FNDC3B: variants seen among roughly 807,000 people sequenced by gnomAD.
The protein encoded by FNDC3B is fibronectin type III domain-containing protein 3B.
Under a neutral mutation model 151.5 loss-of-function variants are expected in FNDC3B, and 12 were observed. The ratio of observed to expected loss-of-function variants is 0.08; its 90% confidence interval spans 0.05 to 0.13. FNDC3B has a LOEUF of 0.13. FNDC3B is among the 10% of genes least tolerant of loss of function. The pLI is 1.00. For synonymous variants in FNDC3B, 528 were observed against 549.0 expected, an observed-to-expected ratio of 0.96 and a Z score of 0.54; for missense variants, 1,214 against 1,505.3, an observed-to-expected ratio of 0.81 and a Z score of 3.20.
intron 4 of FNDC3B, 79 bp downstream of exon 4, chr3:172,227,026 C>G: frequency 9.9e-7 from 1 of 1,013,462 alleles, no homozygotes; most frequent in African/African-American, 1.6e-5. Flanking sequence ...GGCTTCAAAG[C>G]CATATTCCAG....
At chr3:172,279,899 C>CGTTGTT (rs59528273) in intron 6 of FNDC3B, among the ~76,000 whole-genome samples, 1,927 of 151,468 alleles carry the variant, frequency 0.013, 56 homozygotes, top group African/African-American at 0.045. Context: ...AACACATATT[C>CGTTGTT]GTTGTTGTTG....
chr3:172,324,821 C>T (rs1732261130), intron 11 of FNDC3B, among the ~76,000 whole-genome samples: 2 of 152,238 alleles, frequency 1.3e-5, no homozygotes, highest in Non-Finnish European at 2.9e-5. Flanking sequence ...ACCAGTTTCT[C>T]TAATTCAGGT....
At chr3:172,260,989 A>G (rs1728619321) in intron 6 of FNDC3B, among the ~76,000 whole-genome samples, 1 of 152,116 alleles carries the variant, frequency 6.6e-6, no homozygotes, top group Non-Finnish European at 1.5e-5. Flanking sequence ...CAACTTCTCT[A>G]TATTTATTTT....
At chr3:172,086,660 A>G (rs987701827) in intron 1 of FNDC3B, among the ~76,000 whole-genome samples, 1 of 152,260 alleles carries the variant, frequency 6.6e-6, no homozygotes, top group Admixed American at 6.5e-5. Flanking sequence ...GGGATTTCAC[A>G]TAATCTCATT....
intron 3 of FNDC3B, among the ~76,000 whole-genome samples, chr3:172,184,993 C>A: frequency 6.6e-6 from 1 of 152,122 alleles, no homozygotes; most frequent in East Asian, 1.9e-4. Context: ...ATATTCTGAC[C>A]ACTTTGGAAG....
In FNDC3B at chr3:172,320,112, G is replaced by T. The variant is rs908898290; in HGVS notation, c.1255-8840G>T. On this transcript the variant is annotated intron_variant, in intron 11 of 25. Transcript: ENST00000415807. ...AATCTGAAAGAGGCCGGGCTCAGTG[G>T]CTGACACCTGTAACCCCAGTACTTT... Among the ~76,000 whole-genome samples, 17 of 152,228 alleles carry T rather than the reference G, an allele frequency of 1.1e-4. 1 individual carries two copies. Among genetic ancestry groups the T allele is most frequent in the African/African-American group, 2.4e-5 (1 of 41,460 alleles).
intron 6 of FNDC3B, among the ~76,000 whole-genome samples, chr3:172,252,549 C>T (rs1018696176): frequency 2.6e-5 from 4 of 151,322 alleles, no homozygotes; most frequent in Non-Finnish European, 4.4e-5. Flanking sequence ...GAAAAAGGGA[C>T]TGTGTCTGTG....
Position 172,149,806 on chromosome 3 carries a change from G to GTTT in FNDC3B, c.187+16288_187+16290dup, listed in dbSNP as rs10561622. Among the ~76,000 whole-genome samples, 130 of 52,494 alleles carry GTTT rather than the reference G, an allele frequency of 2.5e-3. 15 individuals are homozygous for GTTT. The highest frequency in any genetic ancestry group is 7.4e-3 in the African/African-American group (94 of 12,760). The allele number at this position is 52,494 out of a possible 152,430, so 34.4% of individuals were successfully genotyped here. A position where few individuals can be genotyped will look rare whatever the true frequency, so the allele number is the denominator to read the frequency against. On this transcript the variant is annotated intron_variant, in intron 3 of 25. Transcript: ENST00000415807. ...TGTGTATACCTTTTGTATGTTGGGT[G>GTTT]TTTTTTTTTTTTTTTTTTTTTTTTT...
intron 10 of FNDC3B, 148 bp from the exon 11 acceptor site, chr3:172,310,680 T>C (rs1731428311): frequency 1.4e-6 from 1 of 697,002 alleles, no homozygotes; most frequent in Non-Finnish European, 2.6e-6. Context: ...ATGATGATGA[T>C]TGACCAAGGA....
At chr3:172,209,023 G>A (rs1725578787) in intron 3 of FNDC3B, among the ~76,000 whole-genome samples, 1 of 151,672 alleles carries the variant, frequency 6.6e-6, no homozygotes, top group Non-Finnish European at 1.5e-5. Context: ...CAAAGAGGGT[G>A]TTACAGCGTG....
At position 172,208,783 on chromosome 3, in the gene FNDC3B, C is replaced by T. The variant is rs187011780; in HGVS notation, c.188-18088C>T. The stretch of plus-strand genomic sequence containing the variant: ...TCCCCTGCCAAGGGTGCGCCAGTCA[C>T]GGAGCGGCGAGGGGTGTCTAAATGA... On this transcript the variant is annotated intron_variant, in intron 3 of 25. Transcript: ENST00000415807. 3.6e-3 allele frequency among the ~76,000 whole-genome samples: 553 copies of T among 152,236 alleles called. 2 individuals carry two copies. Among genetic ancestry groups the T allele is most frequent in the African/African-American group, 0.012 (507 of 41,530 alleles).
At chr3:172,362,367 A>G (rs1734408516) in intron 22 of FNDC3B, among the ~76,000 whole-genome samples, 2 of 129,080 alleles carry the variant, frequency 1.5e-5, no homozygotes, top group African/African-American at 5.0e-5. Context: ...CCCTGAGACA[A>G]CAAACCTATT....
chr3:172,349,801 G>A (rs767978743), intron 21 of FNDC3B, among the ~76,000 whole-genome samples: 1 of 152,018 alleles, frequency 6.6e-6, no homozygotes, highest in African/African-American at 2.4e-5. Flanking sequence ...GATTACAGGC[G>A]CCTGCCACCA....
intron 11 of FNDC3B, 45 bp from the exon 12 acceptor site, chr3:172,328,905 GTT>G (rs201161345): frequency 2.2e-4 from 245 of 1,103,808 alleles, no homozygotes; most frequent in South Asian, 4.1e-4. Flanking sequence ...GTTATCTGTT[GTT>G]TTTTTTTTTT....
rs1407321292 is a variant in FNDC3B at position 172,399,065 on chromosome 3, A to G, written c.*1590A>G. On this transcript the variant is annotated 3_prime_UTR_variant, in exon 26 of 26. Coordinates refer to ENST00000415807, the MANE Select transcript of FNDC3B (RefSeq NM_022763.4). ...CATAGCTATTTTGTGCTTGATCTTT[A>G]TTGTCTAAGATGCAGTATCCTGTAC... 6.6e-6 allele frequency: 1 copy of G among 152,530 alleles called. No individual in the cohort carries two copies. Among genetic ancestry groups the G allele is most frequent in the African/African-American group, 2.4e-5 (1 of 41,418 alleles). 9.4% of individuals were successfully genotyped at this position (152,530 alleles called of 1,614,324 possible).
At chr3:172,220,219 G>C (rs999957588) in intron 3 of FNDC3B, among the ~76,000 whole-genome samples, 9 of 152,012 alleles carry the variant, frequency 5.9e-5, no homozygotes, top group African/African-American at 2.2e-4. Flanking sequence ...GTGTGAAGTG[G>C]TATCTCATCA....
In FNDC3B at chr3:172,344,254, G is replaced by A; in HGVS notation, c.2246G>A (p.Gly749Glu). Residue 749 changes from glycine to glutamate, a missense_variant, in exon 19 of 26, where the codon GGA (glycine) becomes GAA (glutamate). By Grantham distance (98) the Gly-to-Glu change is moderately conservative. This residue lies in a region of FNDC3B where 380 missense variants were observed against 420.9 expected (regional missense o/e 0.90). Transcript: ENST00000415807. Reference sequence around the variant, plus strand: ...TTCCGGGTGAGGGCTCTGAATGATGGAGGGGTGAGTATAAGCCCATACACC... The same window carrying A: ...TTCCGGGTGAGGGCTCTGAATGATGAAGGGGTGAGTATAAGCCCATACACC... ...YRFRVRALNDGGYGPYSDVSE... is the reference protein window; with the variant it reads ...YRFRVRALNDEGYGPYSDVSE... The A allele has an allele frequency of 6.2e-7, 1 of 1,613,690 alleles. No individual in the cohort carries two copies. The highest frequency in any genetic ancestry group is 8.5e-7 in the Non-Finnish European group (1 of 1,179,748).
At chr3:172,332,727 A>G (rs1339594209) in intron 13 of FNDC3B, among the ~76,000 whole-genome samples, 1 of 152,220 alleles carries the variant, frequency 6.6e-6, no homozygotes, top group African/African-American at 2.4e-5. Flanking sequence ...CAGGAAGCTC[A>G]GCCACACTTT....
chr3:172,148,380 A>T (rs1722025809), intron 3 of FNDC3B, among the ~76,000 whole-genome samples: 1 of 152,072 alleles, frequency 6.6e-6, no homozygotes, highest in South Asian at 2.1e-4. Context: ...AGGGTAAAAA[A>T]AATAGTGGGC....
Sources: allele counts gnomAD v4.1 joint callset (sites outside exome capture counted in the v4.1 genomes callset), GRCh38; gene constraint gnomAD v4.1.1; regional missense constraint gnomAD v4.1.1; transcripts MANE v1.5; gene names NCBI Gene and HGNC (gene_info 2026-07-23, HGNC 2026-07-21).